Variants in DCC observed in about 807,000 individuals in gnomAD.
DCC encodes netrin receptor DCC.
In DCC, 58 loss-of-function variants were observed where a neutral mutation model predicts 172.5. The ratio of observed to expected loss-of-function variants is 0.34; its 90% CI spans 0.27 to 0.42. The LOEUF (loss-of-function observed/expected upper bound fraction) is 0.42, where lower values mean the gene tolerates loss of function less well. Among genes scored for constraint, DCC ranks in the 10% least tolerant of loss-of-function variants. The pLI, the probability that DCC is intolerant of heterozygous loss-of-function variation, is 1.00. For synonymous variants in DCC, 709 were observed against 644.5 expected (o/e 1.10, Z -1.52); for missense variants, 1,740 against 1,791.0 (o/e 0.97, Z 0.51).
chr18:52,521,341 T>G (rs2144666697), intron 1 of DCC, among the ~76,000 whole-genome samples: 1 of 152,316 alleles, frequency 6.6e-6, no homozygotes, highest in East Asian at 1.9e-4. Context: ...TTAAGGCTGT[T>G]TTAGTCATCT....
At chr18:52,850,869 T>TAACC (rs980125851) in intron 2 of DCC, among the ~76,000 whole-genome samples, 29 of 152,264 alleles carry the variant, frequency 1.9e-4, no homozygotes, top group African/African-American at 6.7e-4. Context: ...GAGGGCTGTT[T>TAACC]AACCAGGTTC....
intron 7 of DCC, among the ~76,000 whole-genome samples, chr18:53,090,360 A>G (rs1160826558): frequency 6.6e-6 from 1 of 151,976 alleles, no homozygotes; most frequent in African/African-American, 2.4e-5. Context: ...TCTCAATACT[A>G]TGGGCTATGC....
At chr18:53,497,296 A>T (rs763647972) in intron 26 of DCC, among the ~76,000 whole-genome samples, 1 of 152,230 alleles carries the variant, frequency 6.6e-6, no homozygotes, top group Non-Finnish European at 1.5e-5. Flanking sequence ...ATTTTCTCCA[A>T]TCCAACGATT....
intron 2 of DCC, among the ~76,000 whole-genome samples, chr18:52,834,533 G>T (rs1006286534): frequency 6.6e-6 from 1 of 150,830 alleles, no homozygotes; most frequent in Non-Finnish European, 1.5e-5. Flanking sequence ...CCTAAGGATT[G>T]CATGGTGAGC....
At chr18:52,539,506 T>C (rs1414851424) in intron 1 of DCC, among the ~76,000 whole-genome samples, 1 of 152,168 alleles carries the variant, frequency 6.6e-6, no homozygotes, top group Non-Finnish European at 1.5e-5. Flanking sequence ...TAGATTCTCA[T>C]AGGAGTACAA....
intron 25 of DCC, 145 bp from the exon 26 acceptor site, chr18:53,486,652 G>A: frequency 9.9e-7 from 1 of 1,005,702 alleles, no homozygotes; most frequent in Non-Finnish European, 1.5e-6. Flanking sequence ...AGTGGGATTG[G>A]TGGAGAGAGG....
intron 1 of DCC, among the ~76,000 whole-genome samples, chr18:52,499,477 C>T (rs185452293): frequency 1.4e-3 from 218 of 152,240 alleles, no homozygotes; most frequent in Non-Finnish European, 1.4e-3. Flanking sequence ...ACTATTTCAT[C>T]TACTTTTTGG....
intron 28 of DCC, among the ~76,000 whole-genome samples, chr18:53,528,549 A>T (rs2144626716): frequency 6.6e-6 from 1 of 152,294 alleles, no homozygotes; most frequent in African/African-American, 2.4e-5. Context: ...GCCAAATTAA[A>T]ATATTAAACT....
intron 5 of DCC, among the ~76,000 whole-genome samples, chr18:53,031,211 A>C (rs1331440916): frequency 6.6e-6 from 1 of 152,186 alleles, no homozygotes; most frequent in African/African-American, 2.4e-5. Flanking sequence ...GTGAGCTGAG[A>C]TTGTGCCACT....
chr18:52,870,111 C>A (rs945148445), intron 2 of DCC, among the ~76,000 whole-genome samples: 1 of 152,160 alleles, frequency 6.6e-6, no homozygotes, highest in African/African-American at 2.4e-5. Context: ...AGCAGGCTCT[C>A]GGGGGTGGGG....
intron 8 of DCC, among the ~76,000 whole-genome samples, chr18:53,165,886 CTG>C (rs1279437969): frequency 6.6e-6 from 1 of 152,130 alleles, no homozygotes; most frequent in Non-Finnish European, 1.5e-5. Flanking sequence ...GAACATGCTT[CTG>C]TGAGAGCATT....
At chr18:53,420,471 C>G (rs1910582117) in intron 21 of DCC, among the ~76,000 whole-genome samples, 1 of 152,096 alleles carries the variant, frequency 6.6e-6, no homozygotes, top group African/African-American at 2.4e-5. Flanking sequence ...ATACAAAACG[C>G]TATATACTGG....
At chr18:53,269,033 A>C (rs2144701512) in intron 12 of DCC, among the ~76,000 whole-genome samples, 1 of 152,262 alleles carries the variant, frequency 6.6e-6, no homozygotes, top group South Asian at 2.1e-4. Context: ...AAGGCATCTC[A>C]GGGGCAAGTT....
intron 9 of DCC, among the ~76,000 whole-genome samples, chr18:53,198,284 T>C (rs1482518896): frequency 6.6e-6 from 1 of 152,110 alleles, no homozygotes; most frequent in Non-Finnish European, 1.5e-5. Flanking sequence ...ATATACATAT[T>C]ACAACTTTTA....
At chr18:53,196,451 T>C (rs1307395518) in intron 9 of DCC, among the ~76,000 whole-genome samples, 2 of 152,220 alleles carry the variant, frequency 1.3e-5, no homozygotes, top group Non-Finnish European at 2.9e-5. Context: ...ATCTGAGCTG[T>C]CTTCCTGAAA....
At chr18:52,623,714 A>C (rs1384097842) in intron 1 of DCC, among the ~76,000 whole-genome samples, 2 of 151,986 alleles carry the variant, frequency 1.3e-5, no homozygotes, top group Non-Finnish European at 2.9e-5. Context: ...TTTCCCCCTT[A>C]TGTTCTATTT....
In DCC at chr18:53,452,381, T is replaced by C. The variant is rs187835097; in HGVS notation, c.3392+1719T>C. Among the ~76,000 whole-genome samples, 16 of 151,862 alleles carry C rather than the reference T, an allele frequency of 1.1e-4. No homozygotes were observed. The East Asian group carries it at 2.9e-3, about 28-fold the overall frequency. On this transcript the variant is annotated intron_variant, in intron 23 of 28. Transcript: ENST00000442544. ...TAGTGGGTTTGTTTTTGATTTGGGT[T>C]CCCCCCCGCCCCGTGTCATTTCTGT...
intron 2 of DCC, among the ~76,000 whole-genome samples, chr18:52,808,584 T>C (rs538871289): frequency 2.6e-5 from 4 of 152,198 alleles, no homozygotes; most frequent in African/African-American, 9.6e-5. Context: ...AAATGGAAAC[T>C]CCCTATTTTG....
At position 53,416,125 on chromosome 18, in the gene DCC, G is replaced by A. The variant is rs536843815; in HGVS notation, c.3132G>A (p.Val1044=). The A allele has an allele frequency of 1.2e-6, 2 of 1,609,740 alleles. No homozygotes were observed. Among genetic ancestry groups the A allele is most frequent in the South Asian group, 2.2e-5 (2 of 90,974 alleles). The change falls in exon 21 of 29, where the codon GTG becomes GTA. Residue 1044 remains valine (V), a splice_region_variant and synonymous_variant. Transcript: ENST00000442544. The stretch of plus-strand genomic sequence containing the variant: ...ATGTTATTTCTTTTTCCCCCGCAGT[G>A]GAACACCCTGACAAAATGGCTAATG... ...SDPILFRTLK[V]EHPDKMANDQ...
Sources: allele counts gnomAD v4.1 joint callset (sites outside exome capture counted in the v4.1 genomes callset), GRCh38; gene constraint gnomAD v4.1.1; transcripts MANE v1.5; gene names NCBI Gene and HGNC (gene_info 2026-07-23, HGNC 2026-07-21).